LCA5: variants seen among roughly 807,000 people sequenced by gnomAD.
LCA5 encodes lebercilin LCA5.
LCA5 carries 37 observed loss-of-function variants against 53.0 expected under a neutral mutation model. The observed-to-expected ratio is 0.70, with a 90% confidence interval of 0.54 to 0.92. The LOEUF is 0.92. Among genes scored for constraint, LCA5 ranks in the 40% least tolerant of loss-of-function variants. The pLI is 0.00. For synonymous variants in LCA5, 303 were observed against 282.9 expected, an observed-to-expected ratio of 1.07 and a Z score of -0.71; for missense variants, 806 against 790.5, an observed-to-expected ratio of 1.02 and a Z score of -0.23.
chr6:79,490,685 A>C (rs547471630), intron 6 of LCA5, among the ~76,000 whole-genome samples: 6 of 152,234 alleles, frequency 3.9e-5, no homozygotes, highest in Admixed American at 3.9e-4. Flanking sequence ...AAAATAAATA[A>C]ACAAATAAAA....
At position 79,493,685 on chromosome 6, in the gene LCA5, T is replaced by G; in HGVS notation, c.786A>C (p.Lys262Asn). Residue 262 changes from lysine (K) to asparagine (N), a missense_variant, in exon 4 of 8, where the codon AAA (lysine) becomes AAC (asparagine). By Grantham distance (94) the Lys-to-Asn change is moderately conservative (BLOSUM62 0). Transcript: ENST00000369846. The stretch of plus-strand genomic sequence containing the variant: ...TTTCATCATGAGCCTCATATGCCCT[T>G]TTCCTTTCAGCAAGCAACTGTCGTT... ...SFQRQLLAER[K>N]RAYEAHDENK... 1 of 1,613,826 alleles carries G rather than the reference T, an allele frequency of 6.2e-7. No homozygotes were observed. The highest frequency in any genetic ancestry group is 8.5e-7 in the Non-Finnish European group (1 of 1,179,784).
At chr6:79,531,565 C>T (rs536311241) in intron 1 of LCA5, among the ~76,000 whole-genome samples, 4 of 152,174 alleles carry the variant, frequency 2.6e-5, no homozygotes, top group South Asian at 2.1e-4. Flanking sequence ...CACCACTCCA[C>T]TGAAACAGCT....
chr6:79,513,422 T>G lies in LCA5; in HGVS notation c.510A>C (p.Ala170=). 6.2e-7 allele frequency: 1 copy of G among 1,613,932 alleles called. No individual in the cohort carries two copies. Among genetic ancestry groups the G allele is most frequent in the Non-Finnish European group, 8.5e-7 (1 of 1,179,890 alleles). The change falls in exon 3 of 8, where the codon GCA becomes GCC. Residue 170 remains alanine, a synonymous_variant. Transcript: ENST00000369846. ...LIFRHNNEIT[A]LKERLRKSQE... ...GAGATTTTCTTAAGCGTTCTTTGAG[T>G]GCTGTAATCTCATTGTTATGACGAA...
chr6:79,490,972 A>G (rs1769821588), intron 6 of LCA5, among the ~76,000 whole-genome samples: 1 of 151,990 alleles, frequency 6.6e-6, no homozygotes, highest in Non-Finnish European at 1.5e-5. Flanking sequence ...TTTGAACAGG[A>G]TAAGGTCAGA....
chr6:79,516,380 G>A (rs1341764956), intron 2 of LCA5, among the ~76,000 whole-genome samples: 5 of 151,780 alleles, frequency 3.3e-5, no homozygotes, highest in African/African-American at 9.7e-5. Context: ...AAAGATGAAT[G>A]TCAATTGTTC....
intron 2 of LCA5, among the ~76,000 whole-genome samples, chr6:79,514,534 T>C (rs1766369590): frequency 6.6e-6 from 1 of 152,012 alleles, no homozygotes; most frequent in Non-Finnish European, 1.5e-5. Context: ...GGAAAAGAAA[T>C]CATTCTATTT....
chr6:79,500,533 G>A (rs1403265471), intron 3 of LCA5, among the ~76,000 whole-genome samples: 1 of 152,152 alleles, frequency 6.6e-6, no homozygotes, highest in Non-Finnish European at 1.5e-5. Context: ...TAAAGATTCA[G>A]ATCCTTGTGT....
upstream of LCA5, among the ~76,000 whole-genome samples, chr6:79,538,059 A>G (rs1767212606): frequency 3.0e-5 from 2 of 67,734 alleles, no homozygotes; most frequent in African/African-American, 5.5e-5. Context: ...TTTTTTAAGG[A>G]ACGTTTTGAG....
rs1050896663 is a variant in LCA5 at position 79,485,239 on chromosome 6, C to T, written c.*1765G>A. 3.3e-5 allele frequency: 5 copies of T among 152,290 alleles called. No individual in the cohort carries two copies. Among genetic ancestry groups the T allele is most frequent in the Admixed American group, 6.6e-5 (1 of 15,246 alleles). The allele number at this position is 152,290 out of a possible 1,614,324, so 9.4% of individuals were successfully genotyped here. A position where few individuals can be genotyped will look rare whatever the true frequency, so the allele number is the denominator to read the frequency against. On this transcript the variant is annotated 3_prime_UTR_variant, in exon 8 of 8. Coordinates refer to ENST00000369846, the MANE Select transcript of LCA5 (RefSeq NM_001122769.3). Reference sequence around the variant, plus strand: ...TATCAGGTAGAAAAAAAGCAAAAAACTAATTTAAATGACGTGAATAAAAAA... The same window carrying T: ...TATCAGGTAGAAAAAAAGCAAAAAATTAATTTAAATGACGTGAATAAAAAA...
intron 3 of LCA5, among the ~76,000 whole-genome samples, chr6:79,498,529 C>G (rs1397527068): frequency 6.6e-6 from 1 of 152,008 alleles, no homozygotes; most frequent in Non-Finnish European, 1.5e-5. Flanking sequence ...GTAAAATTAT[C>G]ATTGAAGAGT....
chr6:79,511,722 A>G (rs1049952556), intron 3 of LCA5, among the ~76,000 whole-genome samples: 1 of 152,280 alleles, frequency 6.6e-6, no homozygotes, highest in East Asian at 1.9e-4. Flanking sequence ...GTCAATTTAC[A>G]ATGAACTCAA....
At chr6:79,517,829 C>T (rs1403671390) in intron 2 of LCA5, among the ~76,000 whole-genome samples, 2 of 152,156 alleles carry the variant, frequency 1.3e-5, no homozygotes, top group Non-Finnish European at 2.9e-5. Context: ...GCCACAAAAA[C>T]AGAGTCAATA....
chr6:79,495,444 G>A (rs191202219), intron 3 of LCA5, among the ~76,000 whole-genome samples: 117 of 152,124 alleles, frequency 7.7e-4, no homozygotes, highest in Non-Finnish European at 1.3e-3. Flanking sequence ...AGTCAGTCCT[G>A]TGGAACCTGA....
At chr6:79,491,478 C>A (rs1769839558) in intron 6 of LCA5, 110 bp downstream of exon 6, 2 of 1,140,348 alleles carry the variant, frequency 1.8e-6, no homozygotes, top group African/African-American at 1.5e-5. Flanking sequence ...GTCGCATATT[C>A]ATATAGATAT....
At chr6:79,533,189 T>C (rs1767006375) in intron 1 of LCA5, among the ~76,000 whole-genome samples, 1 of 152,152 alleles carries the variant, frequency 6.6e-6, no homozygotes, top group Non-Finnish European at 1.5e-5. Context: ...TAATGTAATG[T>C]AGACATAATA....
chr6:79,532,063 G>C (rs1442753862), intron 1 of LCA5, among the ~76,000 whole-genome samples: 2 of 152,072 alleles, frequency 1.3e-5, no homozygotes, highest in African/African-American at 4.8e-5. Flanking sequence ...TCTTTCCTAT[G>C]TTTCTGATCT....
chr6:79,524,311 A>G (rs988584699), intron 1 of LCA5, among the ~76,000 whole-genome samples: 2 of 152,202 alleles, frequency 1.3e-5, no homozygotes, highest in African/African-American at 4.8e-5. Context: ...TTACTGGTCC[A>G]CATCCTTAAA....
intron 7 of LCA5, chr6:79,488,715 C>A: frequency 2.8e-6 from 1 of 358,676 alleles, no homozygotes; most frequent in Non-Finnish European, 5.0e-6. Context: ...CTATTCTTGC[C>A]ACTTTAACTT....
Position 79,487,621 on chromosome 6 carries a change from G to A in LCA5, c.1477C>T (p.Pro493Ser). 1.2e-6 allele frequency: 2 copies of A among 1,614,016 alleles called. No homozygotes were observed. The highest frequency in any genetic ancestry group is 1.7e-6 in the Non-Finnish European group (2 of 1,179,912). ...NLKYPVLPLL[P>S]DFESKLHSPE... The stretch of plus-strand genomic sequence containing the variant: ...GAGTGTAGTTTTGATTCAAAATCAG[G>A]TAACAATGGCAAAACAGGGTATTTT... The change falls in exon 8 of 8, where the codon CCT (proline) becomes TCT (serine). Residue 493 changes from proline (P) to serine (S), a missense_variant. Coordinates refer to ENST00000369846, the MANE Select transcript of LCA5 (RefSeq NM_001122769.3).
Sources: allele counts gnomAD v4.1 joint callset (sites outside exome capture counted in the v4.1 genomes callset), GRCh38; gene constraint gnomAD v4.1.1; transcripts MANE v1.5; gene names NCBI Gene and HGNC (gene_info 2026-07-23, HGNC 2026-07-21).